APLF: variants seen among roughly 807,000 people sequenced by gnomAD.
APLF encodes the protein aprataxin and PNK-like factor.
In APLF, 61 loss-of-function variants were observed where a neutral mutation model predicts 55.6. The observed-to-expected ratio is 1.10, with a 90% CI of 0.89 to 1.36. The LOEUF (loss-of-function observed/expected upper bound fraction) is 1.36, where lower values mean the gene tolerates loss of function less well. Ranked by LOEUF, APLF falls within the 40% of genes most tolerant of loss-of-function variation. The pLI is 0.00. For missense variants in APLF, 611 were observed against 602.5 expected (o/e 1.01, Z -0.15); for synonymous variants, 207 against 214.8 (o/e 0.96, Z 0.32).
chr2:68,493,311 G>A (rs1298170527), intron 2 of APLF, among the ~76,000 whole-genome samples: 1 of 152,012 alleles, frequency 6.6e-6, no homozygotes, highest in Non-Finnish European at 1.5e-5. Flanking sequence ...ATGGTACTGG[G>A]ACAGTTATCT....
Position 68,529,298 on chromosome 2 carries a change from A to T in APLF, c.804+3056A>T. On this transcript the variant is annotated intron_variant, in intron 6 of 9. Coordinates refer to ENST00000303795, the MANE Select transcript of APLF (RefSeq NM_173545.3). The surrounding 1 kb of genome is among the most constrained non-coding windows in gnomAD (Gnocchi z 4.4). Reference sequence around the variant, plus strand: ...CCCAAGATGTCGCTGACGGTTGAAGAGGAGTGGGAAACAGCCAAAGAGTCC... The same window carrying T: ...CCCAAGATGTCGCTGACGGTTGAAGTGGAGTGGGAAACAGCCAAAGAGTCC... 7.3e-7 allele frequency: 1 copy of T among 1,361,540 alleles called. No individual in the cohort carries two copies. 84.3% of individuals were successfully genotyped at this position (1,361,540 alleles called of 1,614,324 possible).
At chr2:68,495,094 G>C in intron 2 of APLF, among the ~76,000 whole-genome samples, 1 of 152,244 alleles carries the variant, frequency 6.6e-6, no homozygotes, top group East Asian at 1.9e-4. Context: ...ATGAGTTTCA[G>C]GTGGGGACAA....
chr2:68,529,413 G>T lies in APLF; in HGVS notation c.804+3171G>T. ...AGACGAGCAGGTTGCCGATGGCATG[G>T]CCAGGACCTGCGGCGGAACCAGGAA... is the stretch of plus-strand genomic sequence containing the variant. On this transcript the variant is annotated intron_variant, in intron 6 of 9. Transcript: ENST00000303795. This position sits in a 1 kb window ranked among gnomAD's most constrained non-coding sequence, Gnocchi z 4.4. 1 of 1,240,776 alleles carries T rather than the reference G, an allele frequency of 8.1e-7. No homozygotes were observed. The highest frequency in any genetic ancestry group is 2.6e-5 in the South Asian group (1 of 37,792). 76.9% of individuals were successfully genotyped at this position (1,240,776 alleles called of 1,614,324 possible).
chr2:68,525,155 A>T (rs1385124164), intron 5 of APLF, among the ~76,000 whole-genome samples: 1 of 152,066 alleles, frequency 6.6e-6, no homozygotes, highest in East Asian at 1.9e-4. Context: ...TTAACCAGGC[A>T]TGGAACAGTG....
At chr2:68,489,480 C>G (rs1247165233) in intron 1 of APLF, among the ~76,000 whole-genome samples, 1 of 152,228 alleles carries the variant, frequency 6.6e-6, no homozygotes, top group African/African-American at 2.4e-5. Context: ...TTGATTGGCA[C>G]TGTCAGCATT....
chr2:68,507,633 C>G (rs1676904973), intron 3 of APLF, among the ~76,000 whole-genome samples: 1 of 151,906 alleles, frequency 6.6e-6, no homozygotes, highest in Non-Finnish European at 1.5e-5. Context: ...TAGCACATTT[C>G]ACTTAGAAGC....
chr2:68,526,135 A>C lies in APLF; in HGVS notation c.697A>C (p.Arg233=). Residue 233 remains arginine, a synonymous_variant, in exon 6 of 10, where the codon AGA becomes CGA. Coordinates refer to ENST00000303795, the MANE Select transcript of APLF (RefSeq NM_173545.3). ...KSQLNTTQQG[R]RQLISSGSSE... ...CCAGCTAAACACAACCCAGCAAGGA[A>C]GAAGGCAATTAATTTCATCAGGAAG... is the stretch of plus-strand genomic sequence containing the variant. The C allele has an allele frequency of 5.6e-6, 9 of 1,614,004 alleles. No homozygotes were observed. Among genetic ancestry groups the C allele is most frequent in the Non-Finnish European group, 4.2e-6 (5 of 1,179,994 alleles).
chr2:68,561,043 A>G (rs1037123003), intron 8 of APLF, among the ~76,000 whole-genome samples: 1 of 152,140 alleles, frequency 6.6e-6, no homozygotes, highest in Non-Finnish European at 1.5e-5. Flanking sequence ...GGAATTTTAT[A>G]TATTATTGAA....
rs990897396 is a variant in APLF, at chr2:68,519,180, G to T, written c.622+5500G>T. Among the ~76,000 whole-genome samples the T allele has an allele frequency of 4.0e-3, 535 of 135,322 alleles. 3 individuals carry two copies. The highest frequency in any genetic ancestry group is 0.014 in the African/African-American group (507 of 36,646). The allele number at this position is 135,322 out of a possible 152,430, so 88.8% of individuals were successfully genotyped here. A position where few individuals can be genotyped will look rare whatever the true frequency, so the allele number is the denominator to read the frequency against. On this transcript the variant is annotated intron_variant, in intron 5 of 9. Transcript: ENST00000303795. Reference sequence around the variant, plus strand: ...ACTTGACCAAAAATTGGACCAATGTGACTATATATTTATAATATATAAATA... The same window carrying T: ...ACTTGACCAAAAATTGGACCAATGTTACTATATATTTATAATATATAAATA...
At chr2:68,515,789 T>C in intron 5 of APLF, 14 of 940,552 alleles carry the variant, frequency 1.5e-5, no homozygotes, top group Non-Finnish European at 1.8e-5. Context: ...AAGAACAAGA[T>C]TAGGTTACTT....
At position 68,529,200 on chromosome 2, in the gene APLF, G is replaced by T. The variant is rs1314658208; in HGVS notation, c.804+2958G>T. On this transcript the variant is annotated intron_variant, in intron 6 of 9. Coordinates refer to ENST00000303795, the MANE Select transcript of APLF (RefSeq NM_173545.3). This position sits in a 1 kb window ranked among gnomAD's most constrained non-coding sequence, Gnocchi z 4.4. Reference sequence around the variant, plus strand: ...CAGACAACAGGAGGCAGGACCCTCTGTGGGGTGCCCGTGTTCCAAGGGATA... The same window carrying T: ...CAGACAACAGGAGGCAGGACCCTCTTTGGGGTGCCCGTGTTCCAAGGGATA... 1 of 1,260,848 alleles carries T rather than the reference G, an allele frequency of 7.9e-7. No individual in the cohort carries two copies. Among genetic ancestry groups the T allele is most frequent in the Non-Finnish European group, 1.1e-6 (1 of 930,570 alleles). 78.1% of individuals were successfully genotyped at this position (1,260,848 alleles called of 1,614,324 possible).
At chr2:68,494,788 A>T (rs1222555373) in intron 2 of APLF, among the ~76,000 whole-genome samples, 1 of 152,132 alleles carries the variant, frequency 6.6e-6, no homozygotes, top group Non-Finnish European at 1.5e-5. Flanking sequence ...TTTGCTGAGG[A>T]TAATGGCTTC....
chr2:68,533,026 G>A (rs1028487427), intron 6 of APLF, among the ~76,000 whole-genome samples: 8 of 152,152 alleles, frequency 5.3e-5, no homozygotes, highest in African/African-American at 1.9e-4. Flanking sequence ...AGGAGTTTAA[G>A]GCCAGCCTGG....
chr2:68,552,758 G>A (rs1011518910), intron 8 of APLF, among the ~76,000 whole-genome samples: 1 of 152,084 alleles, frequency 6.6e-6, no homozygotes, highest in African/African-American at 2.4e-5. Context: ...CAGAGAAGGG[G>A]CTAGTCAAGA....
At chr2:68,486,402 T>C in intron 1 of APLF, among the ~76,000 whole-genome samples, 1 of 152,162 alleles carries the variant, frequency 6.6e-6, no homozygotes. Flanking sequence ...TCTTTTGGAT[T>C]CTCTATTAGC....
intron 3 of APLF, among the ~76,000 whole-genome samples, chr2:68,511,773 T>G (rs1306886685): frequency 6.6e-6 from 1 of 151,720 alleles, no homozygotes; most frequent in African/African-American, 2.4e-5. Flanking sequence ...TTCCAAGATA[T>G]GTCTCCAGCA....
intron 9 of APLF, among the ~76,000 whole-genome samples, chr2:68,570,469 G>T (rs1671426772): frequency 7.0e-6 from 1 of 143,310 alleles, no homozygotes; most frequent in Non-Finnish European, 1.5e-5. Context: ...ACAGGCCCCA[G>T]TGTGTGATGT....
intron 1 of APLF, among the ~76,000 whole-genome samples, chr2:68,480,205 G>A (rs1272939015): frequency 2.0e-5 from 3 of 151,682 alleles, no homozygotes; most frequent in Non-Finnish European, 4.4e-5. Flanking sequence ...GTGTTCTTTT[G>A]GTGGAGTCTT....
At chr2:68,519,076 TATA>T (rs1250137509) in intron 5 of APLF, among the ~76,000 whole-genome samples, 4 of 125,816 alleles carry the variant, frequency 3.2e-5, no homozygotes, top group East Asian at 2.1e-4. Flanking sequence ...ATAATAATAA[TATA>T]ATATATAATT....
Sources: allele counts gnomAD v4.1 joint callset (sites outside exome capture counted in the v4.1 genomes callset), GRCh38; gene constraint gnomAD v4.1.1; non-coding constraint Gnocchi (gnomAD v3.1); transcripts MANE v1.5; gene names NCBI Gene and HGNC (gene_info 2026-07-23, HGNC 2026-07-21).